CNTNAP5: variants seen among roughly 807,000 people sequenced by gnomAD.
CNTNAP5 encodes the protein contactin associated protein family member 5.
CNTNAP5 carries 72 observed loss-of-function variants against 150.2 expected under a neutral mutation model. That is an observed-to-expected ratio of 0.48 (90% confidence interval 0.40 to 0.58). CNTNAP5 has a LOEUF of 0.58. Among genes scored for constraint, CNTNAP5 ranks in the 20% least tolerant of loss-of-function variants. The pLI, the probability that CNTNAP5 is intolerant of heterozygous loss-of-function variation, is 0.00. For synonymous variants in CNTNAP5, 672 were observed against 619.8 expected, an observed-to-expected ratio of 1.08 and a Z score of -1.25; for missense variants, 1,636 against 1,626.2, an observed-to-expected ratio of 1.01 and a Z score of -0.10.
chr2:124,516,696 C>T (rs1440456992), intron 8 of CNTNAP5, among the ~76,000 whole-genome samples: 1 of 152,098 alleles, frequency 6.6e-6, no homozygotes, highest in Non-Finnish European at 1.5e-5. Flanking sequence ...CACTTAAGGG[C>T]CCTGAACAGC....
chr2:124,892,230 G>C (rs1342984810), intron 21 of CNTNAP5, among the ~76,000 whole-genome samples: 2 of 152,068 alleles, frequency 1.3e-5, no homozygotes, highest in Admixed American at 1.3e-4. Context: ...TTATGTTTTT[G>C]TACTTTCTGG....
At chr2:124,421,694 A>G (rs1342341046) in intron 4 of CNTNAP5, among the ~76,000 whole-genome samples, 1 of 152,202 alleles carries the variant, frequency 6.6e-6, no homozygotes, top group Non-Finnish European at 1.5e-5. Context: ...TTCTTGATTC[A>G]TGTGAAATAA....
chr2:124,640,468 C>T (rs920665616), intron 12 of CNTNAP5, among the ~76,000 whole-genome samples: 1 of 152,110 alleles, frequency 6.6e-6, no homozygotes, highest in Non-Finnish European at 1.5e-5. Context: ...CACCCTGAAC[C>T]GGTAATGCGC....
chr2:124,322,506 G>A (rs1689124969), intron 3 of CNTNAP5, among the ~76,000 whole-genome samples: 1 of 152,178 alleles, frequency 6.6e-6, no homozygotes, highest in Non-Finnish European at 1.5e-5. Context: ...TATAAAGGGG[G>A]TAAGAGGATA....
chr2:124,535,225 G>A (rs1392519049), intron 10 of CNTNAP5, among the ~76,000 whole-genome samples: 2 of 152,184 alleles, frequency 1.3e-5, no homozygotes, highest in Non-Finnish European at 2.9e-5. Context: ...CTCTGGTTGT[G>A]CACAGGAGGA....
chr2:124,120,642 A>C (rs143321213), intron 1 of CNTNAP5, among the ~76,000 whole-genome samples: 2 of 152,302 alleles, frequency 1.3e-5, no homozygotes, highest in East Asian at 3.9e-4. Context: ...TAAGGACAGA[A>C]CCTCGACTGC....
At chr2:124,893,814 G>C (rs933923260) in intron 21 of CNTNAP5, among the ~76,000 whole-genome samples, 1 of 152,044 alleles carries the variant, frequency 6.6e-6, no homozygotes, top group Non-Finnish European at 1.5e-5. Flanking sequence ...GCCAAATTTA[G>C]GTCATTCAAC....
At chr2:124,035,964 C>A (rs1402449717) in intron 1 of CNTNAP5, among the ~76,000 whole-genome samples, 2 of 123,002 alleles carry the variant, frequency 1.6e-5, no homozygotes, top group South Asian at 5.4e-4. Flanking sequence ...GTCGCCCAGG[C>A]CGGACTGCGG....
intron 8 of CNTNAP5, among the ~76,000 whole-genome samples, chr2:124,517,476 A>C (rs1235182453): frequency 3.9e-5 from 4 of 102,650 alleles, no homozygotes; most frequent in African/African-American, 1.2e-4. Context: ...TGCTCATGGG[A>C]GGTTGTGGTG....
chr2:124,321,300 G>T (rs1275643808), intron 3 of CNTNAP5, among the ~76,000 whole-genome samples: 4 of 151,918 alleles, frequency 2.6e-5, no homozygotes, highest in African/African-American at 9.7e-5. Context: ...AAAATTAGTC[G>T]GGTGTGGTGG....
intron 4 of CNTNAP5, among the ~76,000 whole-genome samples, chr2:124,427,210 A>G (rs1362189083): frequency 6.6e-6 from 1 of 152,138 alleles, no homozygotes; most frequent in Non-Finnish European, 1.5e-5. Context: ...AACATTCCAC[A>G]ACGACCACAT....
chr2:124,264,321 G>C (rs550826842), intron 3 of CNTNAP5, among the ~76,000 whole-genome samples: 1 of 151,718 alleles, frequency 6.6e-6, no homozygotes, highest in South Asian at 2.1e-4. Flanking sequence ...GGTTGAGAGT[G>C]TTCGAGTAAA....
intron 19 of CNTNAP5, among the ~76,000 whole-genome samples, chr2:124,816,929 T>C (rs1682377063): frequency 1.3e-5 from 2 of 152,232 alleles, no homozygotes; most frequent in African/African-American, 2.4e-5. Flanking sequence ...TGCCATATTC[T>C]ATGTGTTTAA....
At chr2:124,591,711 G>A (rs912126131) in intron 11 of CNTNAP5, among the ~76,000 whole-genome samples, 2 of 152,102 alleles carry the variant, frequency 1.3e-5, no homozygotes, top group African/African-American at 4.8e-5. Context: ...TTACCTTAAT[G>A]GTGGGAACAT....
At chr2:124,728,896 T>C (rs945727682) in intron 13 of CNTNAP5, among the ~76,000 whole-genome samples, 4 of 152,116 alleles carry the variant, frequency 2.6e-5, no homozygotes, top group Non-Finnish European at 4.4e-5. Context: ...TAAGCTAGAC[T>C]ATTTTCTATT....
At chr2:124,846,969 G>A (rs1683061102) in intron 19 of CNTNAP5, among the ~76,000 whole-genome samples, 1 of 152,202 alleles carries the variant, frequency 6.6e-6, no homozygotes, top group East Asian at 1.9e-4. Flanking sequence ...TGCTGCAGTG[G>A]AGGTAGCAGG....
At chr2:124,374,905 A>C (rs904744046) in intron 3 of CNTNAP5, among the ~76,000 whole-genome samples, 3 of 152,090 alleles carry the variant, frequency 2.0e-5, no homozygotes, top group African/African-American at 4.8e-5. Flanking sequence ...AGTCAAGCTA[A>C]TAAGAGCTCC....
intron 1 of CNTNAP5, among the ~76,000 whole-genome samples, chr2:124,106,257 C>T (rs1683170285): frequency 6.6e-6 from 1 of 152,176 alleles, no homozygotes. Context: ...TGACATACAG[C>T]TCCTAAAGTC....
chr2:124,503,710 C>T (rs1319646276), intron 7 of CNTNAP5, among the ~76,000 whole-genome samples: 1 of 152,208 alleles, frequency 6.6e-6, no homozygotes, highest in African/African-American at 2.4e-5. Context: ...GCTACCCGGA[C>T]CTTCCTGTCC....
Sources: allele counts gnomAD v4.1 joint callset (sites outside exome capture counted in the v4.1 genomes callset), GRCh38; gene constraint gnomAD v4.1.1; transcripts MANE v1.5; gene names NCBI Gene and HGNC (gene_info 2026-07-23, HGNC 2026-07-21).